Variants in LEPR observed in about 807,000 individuals in gnomAD.
LEPR encodes leptin receptor, also known as OB receptor.
A neutral mutation model predicts 114.7 loss-of-function variants in LEPR; 56 were observed. That is an observed-to-expected ratio of 0.49 (90% CI 0.39 to 0.61). The LOEUF (loss-of-function observed/expected upper bound fraction) is 0.61, where lower values mean the gene tolerates loss of function less well. LEPR is among the 20% of genes least tolerant of loss of function. The pLI is 0.00. For missense variants in LEPR, 1,202 were observed against 1,352.9 expected (o/e 0.89, Z 1.75); for synonymous variants, 443 against 461.4 (o/e 0.96, Z 0.51).
chr1:65,602,643 G>C (rs1656520103), intron 10 of LEPR, among the ~76,000 whole-genome samples: 1 of 151,920 alleles, frequency 6.6e-6, no homozygotes, highest in South Asian at 2.1e-4. Flanking sequence ...ATATACTGCT[G>C]TTAAACACTG....
rs1653675898 is a variant in LEPR, at chr1:65,565,558, GAAGT to G, written c.-4_-1del. On this transcript the variant is annotated 5_prime_UTR_variant, in exon 3 of 20. An upstream open reading frame in the 5' UTR loses its in-frame stop. Coordinates refer to ENST00000349533, the MANE Select transcript of LEPR (RefSeq NM_002303.6). ...TTACCTTTTCCAGGTGTACTTCTCT[GAAGT>G]AAGATGATTTGTCAAAAATTCTGTG... is the stretch of plus-strand genomic sequence containing the variant. The G allele has an allele frequency of 2.5e-6, 4 of 1,613,840 alleles. No homozygotes were observed. In the East Asian group the frequency reaches 8.9e-5, roughly 36 times the overall value.
intron 2 of LEPR, among the ~76,000 whole-genome samples, chr1:65,541,311 C>G (rs1417328031): frequency 1.3e-5 from 2 of 152,104 alleles, no homozygotes; most frequent in Non-Finnish European, 2.9e-5. Flanking sequence ...TTATGTAGAG[C>G]TTTTAGATTA....
At chr1:65,614,204 C>A (rs1282770582) in intron 14 of LEPR, among the ~76,000 whole-genome samples, 1 of 152,178 alleles carries the variant, frequency 6.6e-6, no homozygotes, top group Non-Finnish European at 1.5e-5. Context: ...ACTAAGATAT[C>A]CTTCAAAAAT....
intron 2 of LEPR, among the ~76,000 whole-genome samples, chr1:65,448,494 T>G (rs1490695391): frequency 6.6e-6 from 1 of 152,210 alleles, no homozygotes; most frequent in Non-Finnish European, 1.5e-5. Flanking sequence ...TTATGTAATG[T>G]CTTTGTCTGG....
intron 2 of LEPR, 132 bp from the exon 3 acceptor site, chr1:65,565,414 T>C (rs1488087121): frequency 1.2e-6 from 1 of 800,778 alleles, no homozygotes; most frequent in African/African-American, 1.7e-5. Flanking sequence ...TTCTCAGATA[T>C]TGATCTAGAG....
chr1:65,487,297 AATG>A (rs1272108059), intron 2 of LEPR, among the ~76,000 whole-genome samples: 3 of 152,164 alleles, frequency 2.0e-5, no homozygotes, highest in East Asian at 1.9e-4. Flanking sequence ...GGAATTGAGT[AATG>A]ATGAGTAAAA....
At chr1:65,469,345 C>A (rs1647054695) in intron 2 of LEPR, among the ~76,000 whole-genome samples, 1 of 152,128 alleles carries the variant, frequency 6.6e-6, no homozygotes, top group Non-Finnish European at 1.5e-5. Flanking sequence ...AGAGCACAAG[C>A]AAAGGTCCAG....
At chr1:65,548,497 T>A (rs148031617) in intron 2 of LEPR, among the ~76,000 whole-genome samples, 5,170 of 152,256 alleles carry the variant, frequency 0.034, 134 homozygotes, top group African/African-American at 0.064. Flanking sequence ...TGCTCCTGTA[T>A]TGGGTGCATA....
intron 19 of LEPR, among the ~76,000 whole-genome samples, chr1:65,632,658 A>G (rs1658570986): frequency 6.6e-6 from 1 of 152,334 alleles, no homozygotes. Flanking sequence ...CACTTGGACC[A>G]TATAATTTCT....
chr1:65,577,551 A>G (rs184643176), intron 5 of LEPR: 5 of 178,390 alleles, frequency 2.8e-5, no homozygotes, highest in Admixed American at 2.1e-4. Context: ...TCTCTGTGGT[A>G]GCCTGCAGTT....
intron 17 of LEPR, 109 bp from the exon 18 acceptor site, chr1:65,621,244 A>G (rs976188753): frequency 1.2e-5 from 10 of 850,448 alleles, no homozygotes; most frequent in East Asian, 5.3e-5. Flanking sequence ...TTTGAAGGTA[A>G]TAAGAGATTT....
At chr1:65,552,577 C>G (rs927985272) in intron 2 of LEPR, among the ~76,000 whole-genome samples, 1 of 152,106 alleles carries the variant, frequency 6.6e-6, no homozygotes, top group Non-Finnish European at 1.5e-5. Context: ...ATTCCTCCAT[C>G]CCTTTATTTT....
chr1:65,627,560 A>C (rs1393788999), intron 19 of LEPR, among the ~76,000 whole-genome samples: 1 of 152,202 alleles, frequency 6.6e-6, no homozygotes, highest in Non-Finnish European at 1.5e-5. Flanking sequence ...ATTCTTCAAA[A>C]GGTTAAACAT....
chr1:65,468,005 G>A (rs1396114337), intron 2 of LEPR, among the ~76,000 whole-genome samples: 1 of 152,190 alleles, frequency 6.6e-6, no homozygotes, highest in Non-Finnish European at 1.5e-5. Context: ...CGGGTGAGGT[G>A]ATGCCCTGCC....
At chr1:65,444,214 C>G (rs868329072) in intron 2 of LEPR, among the ~76,000 whole-genome samples, 1 of 150,636 alleles carries the variant, frequency 6.6e-6, no homozygotes, top group African/African-American at 2.4e-5. Flanking sequence ...GGTGTTAAGA[C>G]CTGATACTTT....
intron 2 of LEPR, chr1:65,432,297 C>T (rs1250620819): frequency 1.4e-5 from 14 of 994,512 alleles, no homozygotes; most frequent in Non-Finnish European, 1.7e-5. Context: ...CCAGGAAGGC[C>T]GGGGTGGATC....
intron 10 of LEPR, among the ~76,000 whole-genome samples, chr1:65,604,363 T>C (rs1656666416): frequency 6.6e-6 from 1 of 152,156 alleles, no homozygotes; most frequent in South Asian, 2.1e-4. Flanking sequence ...TATTTTGTTT[T>C]TGAGACAGTC....
chr1:65,505,896 G>A (rs143031292), intron 2 of LEPR, among the ~76,000 whole-genome samples: 239 of 152,164 alleles, frequency 1.6e-3, no homozygotes, highest in Non-Finnish European at 2.7e-3. Flanking sequence ...CTCTGGAAAT[G>A]ATGACTCTTT....
chr1:65,605,590 G>A (rs1018719170), intron 11 of LEPR, among the ~76,000 whole-genome samples: 4 of 152,126 alleles, frequency 2.6e-5, no homozygotes, highest in Middle Eastern at 3.4e-3. Context: ...TAATCCAAAC[G>A]TTTAATTTGA....
Sources: gnomAD v4.1 joint callset for allele counts (sites outside exome capture counted in the v4.1 genomes callset) on GRCh38, gnomAD v4.1.1 for gene constraint, MANE v1.5 for transcripts, NCBI Gene and HGNC (gene_info 2026-07-23, HGNC 2026-07-21) for gene names.